The following TNIK variants were observed in gnomAD, a reference collection of about 807,000 sequenced individuals.
TNIK encodes TRAF2 and NCK-interacting protein kinase.
TNIK carries 49 observed loss-of-function variants against 191.3 expected under a neutral mutation model. The observed-to-expected ratio is 0.26, with a 90% CI of 0.20 to 0.32. The LOEUF is 0.32. Ranked by LOEUF, TNIK falls within the 10% of genes least tolerant of loss-of-function variation. The pLI, the probability that TNIK is intolerant of heterozygous loss-of-function variation, is 1.00. For missense variants in TNIK, 1,155 were observed against 1,702.3 expected, an observed-to-expected ratio of 0.68 and a Z score of 5.66; for synonymous variants, 594 against 600.9, an observed-to-expected ratio of 0.99 and a Z score of 0.17.
At chr3:171,078,232 G>T (rs1458394662) in intron 28 of TNIK, among the ~76,000 whole-genome samples, 1 of 151,890 alleles carries the variant, frequency 6.6e-6, no homozygotes, top group African/African-American at 2.4e-5. Flanking sequence ...TTTAATTCTA[G>T]ATACCTTTCT....
At chr3:171,396,849 C>T (rs962067392) in intron 1 of TNIK, among the ~76,000 whole-genome samples, 2 of 152,244 alleles carry the variant, frequency 1.3e-5, no homozygotes, top group South Asian at 4.1e-4. Context: ...ATTCAGTCTA[C>T]TGTGTCTGTG....
chr3:171,236,292 G>A lies in TNIK; in HGVS notation c.124-8071C>T, dbSNP rs1019381562. On this transcript the variant is annotated intron_variant, in intron 2 of 32. Transcript: ENST00000436636. Reference sequence around the variant, plus strand: ...AGAATTTGGGGAAATGTCTACTTCCGCGTGTCAGAAGCTTAAGAAAAAAGA... The same window carrying A: ...AGAATTTGGGGAAATGTCTACTTCCACGTGTCAGAAGCTTAAGAAAAAAGA... Among the ~76,000 whole-genome samples the A allele has an allele frequency of 3.9e-5, 6 of 152,170 alleles. No individual in the cohort carries two copies. The East Asian group carries it at 7.7e-4, about 20-fold the overall frequency.
At chr3:171,191,486 C>T (rs922388663) in intron 5 of TNIK, among the ~76,000 whole-genome samples, 8 of 152,216 alleles carry the variant, frequency 5.3e-5, no homozygotes, top group African/African-American at 1.9e-4. Context: ...GATCCATTCA[C>T]TTCGGCCTCC....
intron 1 of TNIK, among the ~76,000 whole-genome samples, chr3:171,435,599 ACTG>A (rs112576949): frequency 3.3e-4 from 51 of 152,336 alleles, no homozygotes; most frequent in African/African-American, 1.2e-3. Flanking sequence ...ATCAAAAATA[ACTG>A]CTAAGTTGTA....
At chr3:171,161,218 C>T in intron 11 of TNIK, 52 bp downstream of exon 11, 1 of 1,565,736 alleles carries the variant, frequency 6.4e-7, no homozygotes, top group Non-Finnish European at 8.7e-7. Context: ...GAATTTCACA[C>T]AAGCACAATT....
chr3:171,168,706 A>C (rs1182491909), intron 9 of TNIK, among the ~76,000 whole-genome samples: 2 of 152,178 alleles, frequency 1.3e-5, no homozygotes, highest in African/African-American at 4.8e-5. Flanking sequence ...CACACTGTGG[A>C]CTAGAAATAG....
intron 2 of TNIK, among the ~76,000 whole-genome samples, chr3:171,337,762 C>T (rs1757102791): frequency 6.6e-6 from 1 of 152,196 alleles, no homozygotes; most frequent in Non-Finnish European, 1.5e-5. Flanking sequence ...ATTTCATTCA[C>T]TTCTAGAAAT....
rs1322683867 is a variant in TNIK, at chr3:171,157,681, G to A, written c.1017-17C>T. On this transcript the variant is annotated splice_polypyrimidine_tract_variant and intron_variant, in intron 11 of 32. Transcript: ENST00000436636. ...AGGATGGAGCTGTGGGTAGGAGAGA[G>A]TGATCAGGATCCCACGTGGGGCAGG... 6.4e-7 allele frequency: 1 copy of A among 1,552,342 alleles called. No individual in the cohort carries two copies. The highest frequency in any genetic ancestry group is 8.7e-7 in the Non-Finnish European group (1 of 1,147,446).
chr3:171,242,124 C>T (rs867688573), intron 2 of TNIK, among the ~76,000 whole-genome samples: 7 of 150,198 alleles, frequency 4.7e-5, no homozygotes, highest in Middle Eastern at 3.5e-3. Context: ...TGTAACAAAC[C>T]TGTATGTTGT....
chr3:171,338,368 C>T (rs1405073343), intron 2 of TNIK, among the ~76,000 whole-genome samples: 2 of 152,158 alleles, frequency 1.3e-5, no homozygotes, highest in African/African-American at 4.8e-5. Flanking sequence ...AAAGCTGAAC[C>T]TCACCAGAGA....
intron 2 of TNIK, among the ~76,000 whole-genome samples, chr3:171,231,285 A>G (rs899465891): frequency 1.3e-5 from 2 of 150,986 alleles, no homozygotes; most frequent in African/African-American, 4.9e-5. Context: ...TGTTGTTGCT[A>G]CTGTTTTTTG....
At chr3:171,295,241 T>C (rs1752155384) in intron 2 of TNIK, among the ~76,000 whole-genome samples, 1 of 152,188 alleles carries the variant, frequency 6.6e-6, no homozygotes. Context: ...TTTGGGGAAC[T>C]ATGCACTAGG....
chr3:171,384,645 T>C (rs1490994808), intron 1 of TNIK, among the ~76,000 whole-genome samples: 2 of 152,214 alleles, frequency 1.3e-5, no homozygotes, highest in Non-Finnish European at 2.9e-5. Flanking sequence ...TTATATCCAA[T>C]AAATGTTTGG....
intron 2 of TNIK, among the ~76,000 whole-genome samples, chr3:171,332,248 T>G (rs141347287): frequency 2.0e-5 from 3 of 152,240 alleles, no homozygotes; most frequent in South Asian, 4.1e-4. Flanking sequence ...CATTACATCA[T>G]ATAGCTAGCC....
chr3:171,288,183 G>T (rs1751242108), intron 2 of TNIK, among the ~76,000 whole-genome samples: 1 of 107,130 alleles, frequency 9.3e-6, no homozygotes, highest in African/African-American at 3.6e-5. Context: ...AGGGGGGAGG[G>T]GGGAGGGATA....
intron 4 of TNIK, among the ~76,000 whole-genome samples, chr3:171,206,149 T>C (rs1740043923): frequency 6.6e-6 from 1 of 152,114 alleles, no homozygotes; most frequent in Non-Finnish European, 1.5e-5. Context: ...TGCATTAAAA[T>C]AAGTACTTTC....
At chr3:171,182,866 A>G (rs1374805569) in intron 7 of TNIK, among the ~76,000 whole-genome samples, 1 of 152,234 alleles carries the variant, frequency 6.6e-6, no homozygotes, top group Non-Finnish European at 1.5e-5. Flanking sequence ...CTGCAGCCAG[A>G]CCCAACTGTG....
Position 171,138,288 on chromosome 3 carries a change from T to C in TNIK, c.1511A>G (p.Gln504Arg). ...AGGCCTCTGCTCCTGCCGCTGATGCTGAAGGGAAACTAAGTAGTCTCTTTC... is the reference window on the plus strand; with the variant it reads ...AGGCCTCTGCTCCTGCCGCTGATGCCGAAGGGAAACTAAGTAGTCTCTTTC... ...KQERDYLVSL[Q>R]HQRQEQRPVE... The change falls in exon 15 of 33, where the codon CAG becomes CGG. Residue 504 changes from glutamine to arginine, a missense_variant. Gln to Arg is a conservative substitution (Grantham distance 43). This residue lies in a region of TNIK where 735 missense variants were observed against 848.0 expected (regional missense o/e 0.87). Transcript: ENST00000436636. 3 of 1,613,612 alleles carry C rather than the reference T, an allele frequency of 1.9e-6. No individual in the cohort carries two copies. Among genetic ancestry groups the C allele is most frequent in the Non-Finnish European group, 2.5e-6 (3 of 1,179,798 alleles).
intron 1 of TNIK, among the ~76,000 whole-genome samples, chr3:171,381,697 C>T (rs1718050922): frequency 6.6e-6 from 1 of 152,174 alleles, no homozygotes; most frequent in South Asian, 2.1e-4. Flanking sequence ...GGAATGAATA[C>T]ATGACTAAAT....
Sources: allele counts gnomAD v4.1 joint callset (sites outside exome capture counted in the v4.1 genomes callset), GRCh38; gene constraint gnomAD v4.1.1; regional missense constraint gnomAD v4.1.1; transcripts MANE v1.5; gene names NCBI Gene and HGNC (gene_info 2026-07-23, HGNC 2026-07-21).